Variants in RYR3 observed in about 807,000 individuals in gnomAD.
RYR3 encodes the protein brain ryanodine receptor-calcium release channel.
RYR3 carries 207 observed loss-of-function variants against 584.3 expected under a neutral mutation model. The ratio of observed to expected loss-of-function variants is 0.35; its 90% CI spans 0.32 to 0.40. The LOEUF (loss-of-function observed/expected upper bound fraction) is 0.40, where lower values mean the gene tolerates loss of function less well. RYR3 is among the 10% of genes least tolerant of loss of function. The pLI, the probability that RYR3 is intolerant of heterozygous loss-of-function variation, is 1.00. For synonymous variants in RYR3, 2,416 were observed against 2,248.5 expected (o/e 1.07, Z -2.11); for missense variants, 5,616 against 6,089.2 (o/e 0.92, Z 2.59).
At chr15:33,789,773 C>T (rs1447923188) in intron 67 of RYR3, among the ~76,000 whole-genome samples, 3 of 131,944 alleles carry the variant, frequency 2.3e-5, no homozygotes, top group African/African-American at 5.7e-5. Context: ...CTCCTGGGCT[C>T]ATGCGATTCT....
At chr15:33,427,872 G>A (rs374383409) in intron 1 of RYR3, among the ~76,000 whole-genome samples, 3 of 152,340 alleles carry the variant, frequency 2.0e-5, no homozygotes, top group East Asian at 3.9e-4. Context: ...CTGGGTAGAA[G>A]CTCTGATCCA....
At chr15:33,629,081 A>G (rs2061144761) in intron 21 of RYR3, among the ~76,000 whole-genome samples, 1 of 152,212 alleles carries the variant, frequency 6.6e-6, no homozygotes, top group Admixed American at 6.5e-5. Context: ...AATGACACAC[A>G]TTCTAGCTGA....
intron 98 of RYR3, among the ~76,000 whole-genome samples, chr15:33,855,318 C>T (rs2079537797): frequency 6.6e-6 from 1 of 152,192 alleles, no homozygotes; most frequent in Non-Finnish European, 1.5e-5. Flanking sequence ...ATTCTCCTGC[C>T]TCAGCCTCCA....
intron 1 of RYR3, among the ~76,000 whole-genome samples, chr15:33,404,985 C>T (rs931370355): frequency 3.3e-5 from 5 of 152,078 alleles, no homozygotes; most frequent in East Asian, 3.9e-4. Context: ...TGTGTGACCT[C>T]GGGAAACTGG....
chr15:33,655,066 C>T (rs943890125), intron 32 of RYR3, among the ~76,000 whole-genome samples: 2 of 152,230 alleles, frequency 1.3e-5, no homozygotes, highest in Non-Finnish European at 2.9e-5. Flanking sequence ...TCCTGCAGTG[C>T]ATGACCCTCT....
chr15:33,660,490 C>A, intron 34 of RYR3, 67 bp downstream of exon 34: 1 of 1,087,654 alleles, frequency 9.2e-7, no homozygotes, highest in South Asian at 1.6e-5. Context: ...CAAGCCAGCC[C>A]AGAAGGAAAC....
chr15:33,454,880 GA>G (rs920808683), intron 1 of RYR3, among the ~76,000 whole-genome samples: 2 of 152,198 alleles, frequency 1.3e-5, no homozygotes, highest in Admixed American at 6.5e-5. Flanking sequence ...GCAGGAACCA[GA>G]TGAGGAGGAA....
intron 1 of RYR3, among the ~76,000 whole-genome samples, chr15:33,319,052 A>T (rs1968588846): frequency 6.6e-6 from 1 of 152,220 alleles, no homozygotes; most frequent in Non-Finnish European, 1.5e-5. Flanking sequence ...TGGAAGGTAA[A>T]GGCATTGCAC....
At chr15:33,331,650 G>GA (rs998931910) in intron 1 of RYR3, among the ~76,000 whole-genome samples, 7 of 150,380 alleles carry the variant, frequency 4.7e-5, no homozygotes, top group East Asian at 3.9e-4. Flanking sequence ...ACATTTTTCA[G>GA]AAAAAAAACA....
intron 64 of RYR3, among the ~76,000 whole-genome samples, chr15:33,775,377 T>C (rs1220607935): frequency 1.3e-5 from 2 of 152,190 alleles, no homozygotes; most frequent in East Asian, 1.9e-4. Flanking sequence ...TGGAGGAGAA[T>C]GAACAGGAAG....
At chr15:33,635,456 G>A (rs544911045) in intron 25 of RYR3, among the ~76,000 whole-genome samples, 158 bp from the exon 26 acceptor site, 20 of 152,156 alleles carry the variant, frequency 1.3e-4, no homozygotes, top group African/African-American at 4.6e-4. Flanking sequence ...TGATGATGAC[G>A]ATCATCATGA....
At chr15:33,573,142 C>T (rs1002821275) in intron 12 of RYR3, among the ~76,000 whole-genome samples, 1 of 151,880 alleles carries the variant, frequency 6.6e-6, no homozygotes, top group Non-Finnish European at 1.5e-5. Context: ...GCTGTTAAGT[C>T]CCACCCTCAA....
chr15:33,857,669 C>G (rs886119758), intron 98 of RYR3, 111 bp from the exon 99 acceptor site: 5 of 1,383,640 alleles, frequency 3.6e-6, no homozygotes, highest in Middle Eastern at 1.8e-4. Context: ...TCCCCATTTC[C>G]TCTCCTTGCC....
intron 38 of RYR3, among the ~76,000 whole-genome samples, chr15:33,680,170 A>G (rs965348616): frequency 2.0e-5 from 3 of 152,228 alleles, no homozygotes; most frequent in African/African-American, 7.2e-5. Flanking sequence ...GAATATAAGG[A>G]TTAAATAAAA....
At chr15:33,856,078 C>G (rs955151626) in intron 98 of RYR3, 4 of 152,216 alleles carry the variant, frequency 2.6e-5, no homozygotes, top group Admixed American at 2.0e-4. Context: ...GCTCACTTTA[C>G]AGATAAGAGA....
chr15:33,816,490 T>G (rs2076818603), intron 74 of RYR3, among the ~76,000 whole-genome samples: 1 of 152,182 alleles, frequency 6.6e-6, no homozygotes, highest in African/African-American at 2.4e-5. Context: ...AGAAGGGTGA[T>G]CAGCCTAAAG....
intron 11 of RYR3, among the ~76,000 whole-genome samples, chr15:33,565,818 C>T (rs1181332995): frequency 1.3e-5 from 2 of 152,164 alleles, no homozygotes; most frequent in Non-Finnish European, 2.9e-5. Context: ...ACACAAAAAG[C>T]TGGTAGTCCC....
At chr15:33,313,944 T>C (rs114111863) in intron 1 of RYR3, among the ~76,000 whole-genome samples, 1,592 of 152,344 alleles carry the variant, frequency 0.01, 30 homozygotes, top group African/African-American at 0.036. Context: ...TAGTGTGAAA[T>C]GAGCCAGAAT....
chr15:33,703,790 AT>A (rs999195120), intron 42 of RYR3, among the ~76,000 whole-genome samples: 66 of 151,660 alleles, frequency 4.4e-4, no homozygotes, highest in Middle Eastern at 3.4e-3. Flanking sequence ...AAGTGAAAGC[AT>A]TTTTTTTTAT....
Sources: allele counts gnomAD v4.1 joint callset (sites outside exome capture counted in the v4.1 genomes callset), GRCh38; gene constraint gnomAD v4.1.1; transcripts MANE v1.5; gene names NCBI Gene and HGNC (gene_info 2026-07-23, HGNC 2026-07-21).